WWOX: variants seen among roughly 807,000 people sequenced by gnomAD.
WWOX encodes WW domain containing oxidoreductase, also known as WW domain-containing oxidoreductase.
In WWOX, 69 loss-of-function variants were observed where a neutral mutation model predicts 46.2. The ratio of observed to expected loss-of-function variants is 1.49; its 90% CI spans 1.23 to 1.82. The LOEUF (loss-of-function observed/expected upper bound fraction) is 1.82. WWOX is among the 40% of genes most tolerant of loss of function. The pLI is 0.00. For synonymous variants in WWOX, 359 were observed against 202.6 expected (o/e 1.77, Z -6.56); for missense variants, 919 against 542.6 (o/e 1.69, Z -6.89).
chr16:78,596,347 T>G (rs1033921395), intron 8 of WWOX, among the ~76,000 whole-genome samples: 2 of 152,124 alleles, frequency 1.3e-5, no homozygotes, highest in South Asian at 4.2e-4. Context: ...GTCAAGGTCT[T>G]GGCCCTTCAA....
chr16:79,066,219 CA>C (rs763672631), intron 8 of WWOX, among the ~76,000 whole-genome samples: 4 of 152,296 alleles, frequency 2.6e-5, no homozygotes, highest in Admixed American at 6.5e-5. Context: ...ACGTTCCTTC[CA>C]GAGAGGCCTC....
chr16:78,416,732 T>C (rs896850050), intron 6 of WWOX, among the ~76,000 whole-genome samples: 4 of 152,236 alleles, frequency 2.6e-5, no homozygotes, highest in African/African-American at 9.6e-5. Context: ...CTGCAGAAAC[T>C]ATCTTTGAGG....
chr16:78,400,869 A>C (rs114551908), intron 6 of WWOX, among the ~76,000 whole-genome samples: 6,843 of 152,304 alleles, frequency 0.045, 391 homozygotes, highest in African/African-American at 0.13. Context: ...TGTCACCCAG[A>C]CTGGTGTGCA....
rs56218063 is a variant in WWOX, at chr16:78,572,066, A to G, written c.1056+139314A>G. 5.0e-3 allele frequency among the ~76,000 whole-genome samples: 767 copies of G among 152,306 alleles called. 5 individuals are homozygous for G. Among genetic ancestry groups the G allele is most frequent in the African/African-American group, 0.018 (729 of 41,564 alleles). On this transcript the variant is annotated intron_variant, in intron 8 of 8. Transcript: ENST00000566780. ...AAAGTAGTACTTAGCAACTTATGCA[A>G]TTTGGTTCCTATAAAGATGCCTTAG...
intron 8 of WWOX, among the ~76,000 whole-genome samples, chr16:78,779,336 G>A (rs572862882): frequency 1.3e-5 from 2 of 152,198 alleles, no homozygotes; most frequent in African/African-American, 4.8e-5. Context: ...TAGTAGAGAG[G>A]CAGTTTTGCT....
chr16:78,189,740 C>T (rs185206474), intron 5 of WWOX, among the ~76,000 whole-genome samples: 294 of 152,194 alleles, frequency 1.9e-3, no homozygotes, highest in African/African-American at 4.0e-3. Flanking sequence ...CTGCAACCTC[C>T]GCCTCCCAAG....
rs1597431352 is a variant in WWOX at position 78,272,775 on chromosome 16, C to T, written c.516+108486C>T. Among the ~76,000 whole-genome samples, 3 of 152,046 alleles carry T rather than the reference C, an allele frequency of 2.0e-5. No homozygotes were observed. In the East Asian group the frequency reaches 5.8e-4, roughly 29 times the overall value. On this transcript the variant is annotated intron_variant, in intron 5 of 8. Coordinates refer to ENST00000566780, the MANE Select transcript of WWOX (RefSeq NM_016373.4). ...ATAGTAATGATACTAGTAATAAAAT[C>T]AGGATAATGCTGTTTTTAATTCACC... is the stretch of plus-strand genomic sequence containing the variant.
At position 78,401,659 on chromosome 16, in the gene WWOX, A is replaced by AT. The variant is rs942508246; in HGVS notation, c.605+14721dup. ...AGTAAAGATTTCTCAGAGCCCAGGGATTTTTTTTTTAATTGAGACATAATT... is the reference window on the plus strand; with the variant it reads ...AGTAAAGATTTCTCAGAGCCCAGGGATTTTTTTTTTTAATTGAGACATAATT... On this transcript the variant is annotated intron_variant, in intron 6 of 8. Transcript: ENST00000566780. Among the ~76,000 whole-genome samples, 736 of 150,116 alleles carry AT rather than the reference A, an allele frequency of 4.9e-3. 2 individuals are homozygous for AT. The highest frequency in any genetic ancestry group is 8.2e-3 in the Admixed American group (124 of 15,034).
chr16:78,648,000 CATT>C (rs1349404833), intron 8 of WWOX, among the ~76,000 whole-genome samples: 1 of 152,136 alleles, frequency 6.6e-6, no homozygotes, highest in Non-Finnish European at 1.5e-5. Context: ...TAGTATTTTC[CATT>C]ATTCATTTGG....
intron 8 of WWOX, among the ~76,000 whole-genome samples, chr16:78,788,482 A>C (rs968128589): frequency 6.6e-6 from 1 of 152,108 alleles, no homozygotes; most frequent in African/African-American, 2.4e-5. Flanking sequence ...AGGAATGCTG[A>C]CCTCATGAAG....
intron 8 of WWOX, among the ~76,000 whole-genome samples, chr16:79,031,888 GTATACAGATATCTA>G (rs2047765736): frequency 1.5e-5 from 1 of 67,130 alleles, no homozygotes; most frequent in Non-Finnish European, 3.7e-5. Context: ...ACAGATATCT[GTATACAGATATCTA>G]TATATATAGA....
chr16:78,375,186 C>T (rs994998904), intron 5 of WWOX, among the ~76,000 whole-genome samples: 5 of 152,160 alleles, frequency 3.3e-5, no homozygotes, highest in Admixed American at 6.5e-5. Flanking sequence ...TAAAAATAAC[C>T]GTCGTCGTCA....
At chr16:78,833,013 G>C (rs1204308776) in intron 8 of WWOX, among the ~76,000 whole-genome samples, 1 of 150,846 alleles carries the variant, frequency 6.6e-6, no homozygotes, top group Non-Finnish European at 1.5e-5. Flanking sequence ...AAAGTGGCCA[G>C]GCTCAGCCTT....
At chr16:78,334,767 C>G (rs1009444812) in intron 5 of WWOX, among the ~76,000 whole-genome samples, 1 of 151,138 alleles carries the variant, frequency 6.6e-6, no homozygotes, top group Non-Finnish European at 1.5e-5. Flanking sequence ...AAACCACCCA[C>G]CAGGAAAATG....
intron 8 of WWOX, among the ~76,000 whole-genome samples, chr16:79,009,363 C>T (rs2047257266): frequency 2.6e-5 from 4 of 152,244 alleles, no homozygotes; most frequent in Admixed American, 1.3e-4. Flanking sequence ...TTCACAAATG[C>T]TTATGGAGCT....
chr16:78,683,242 G>T (rs2142239942), intron 8 of WWOX, among the ~76,000 whole-genome samples: 1 of 152,096 alleles, frequency 6.6e-6, no homozygotes, highest in South Asian at 2.1e-4. Flanking sequence ...TGGGCGCGGT[G>T]GCTCACACTT....
intron 8 of WWOX, among the ~76,000 whole-genome samples, chr16:78,475,210 G>A (rs1204447096): frequency 1.3e-5 from 2 of 152,094 alleles, no homozygotes; most frequent in Admixed American, 6.5e-5. Flanking sequence ...ATCATAATGT[G>A]GACATCATTG....
chr16:78,195,829 A>AAG (rs1555552182), intron 5 of WWOX, among the ~76,000 whole-genome samples: 1 of 150,370 alleles, frequency 6.7e-6, no homozygotes, highest in East Asian at 2.0e-4. Context: ...CTCAAAAAAA[A>AAG]AAAAAAAAAA....
Position 78,945,962 on chromosome 16 carries a change from A to C in WWOX, c.1057-265646A>C, listed in dbSNP as rs573338903. Among the ~76,000 whole-genome samples, 20 of 152,168 alleles carry C rather than the reference A, an allele frequency of 1.3e-4. No homozygotes were observed. The South Asian group carries it at 4.2e-3, about 32-fold the overall frequency. On this transcript the variant is annotated intron_variant, in intron 8 of 8. Coordinates refer to ENST00000566780, the MANE Select transcript of WWOX (RefSeq NM_016373.4). Reference sequence around the variant, plus strand: ...ATTTTCTCATCCGTCTCTTCAGGCTAATAATCACCTGTCCTGCCTTCCTCA... The same window carrying C: ...ATTTTCTCATCCGTCTCTTCAGGCTCATAATCACCTGTCCTGCCTTCCTCA...
Sources: gnomAD v4.1 joint callset for allele counts (sites outside exome capture counted in the v4.1 genomes callset) on GRCh38, gnomAD v4.1.1 for gene constraint, MANE v1.5 for transcripts, NCBI Gene and HGNC (gene_info 2026-07-23, HGNC 2026-07-21) for gene names.